Variants in RBBP6 observed in about 807,000 individuals in gnomAD.
RBBP6 encodes RB binding protein 6, ubiquitin ligase, also known as E3 ubiquitin-protein ligase RBBP6.
RBBP6 carries 25 observed loss-of-function variants against 167.7 expected under a neutral mutation model. The ratio of observed to expected loss-of-function variants is 0.15; its 90% CI spans 0.11 to 0.21. RBBP6 has a LOEUF of 0.21. Among genes scored for constraint, RBBP6 ranks in the 10% least tolerant of loss-of-function variants. RBBP6 has a pLI of 1.00. For missense variants in RBBP6, 1,868 were observed against 2,134.2 expected (o/e 0.88, Z 2.46); for synonymous variants, 789 against 735.8 (o/e 1.07, Z -1.17).
intron 2 of RBBP6, 26 bp from the exon 3 acceptor site, chr16:24,548,919 A>AT: frequency 6.3e-7 from 1 of 1,576,644 alleles, no homozygotes; most frequent in African/African-American, 1.3e-5. Context: ...GCTAATGTTA[A>AT]TTTTTGTTTT....
At chr16:24,567,929 A>G (rs2141477064) in intron 16 of RBBP6, 36 bp downstream of exon 16, 3 of 1,525,092 alleles carry the variant, frequency 2.0e-6, no homozygotes, top group Non-Finnish European at 1.8e-6. Flanking sequence ...CAGAATTACA[A>G]ACGGGACTTT....
Position 24,572,476 on chromosome 16 carries a change from C to T in RBBP6, c.*31C>T. ...CAGATTTTTTAAATTGACTTAATTA[C>T]TAAGTCATCTGTATTAAATTTTGTT... is the stretch of plus-strand genomic sequence containing the variant. On this transcript the variant is annotated 3_prime_UTR_variant, in exon 18 of 18. Coordinates refer to ENST00000319715, the MANE Select transcript of RBBP6 (RefSeq NM_006910.5). 1 of 1,498,582 alleles carries T rather than the reference C, an allele frequency of 6.7e-7. No homozygotes were observed. The highest frequency in any genetic ancestry group is 1.4e-5 in the African/African-American group (1 of 70,506). The allele number at this position is 1,498,582 out of a possible 1,614,324, so 92.8% of individuals were successfully genotyped here.
chr16:24,561,867 T>G lies in RBBP6; in HGVS notation c.995T>G (p.Leu332Arg). 1.2e-6 allele frequency: 2 copies of G among 1,613,432 alleles called. No homozygotes were observed. Among genetic ancestry groups the G allele is most frequent in the Non-Finnish European group, 1.7e-6 (2 of 1,179,704 alleles). ...FKNETGYTKR[L>R]RKQLPPPPPP... ...AATGAAACTGGCTATACAAAAAGAC[T>G]ACGAAAACAGTTACCTCCTCCACCA... is the stretch of plus-strand genomic sequence containing the variant. The change falls in exon 10 of 18, where the codon CTA becomes CGA. Residue 332 changes from leucine to arginine, a missense_variant. Transcript: ENST00000319715.
rs777268036 is a variant in RBBP6 at position 24,569,067 on chromosome 16, C to T, written c.2377C>T (p.Arg793Cys). The T allele has an allele frequency of 6.8e-6, 11 of 1,613,870 alleles. No homozygotes were observed. Among genetic ancestry groups the T allele is most frequent in the African/African-American group, 1.3e-5 (1 of 74,878 alleles). Residue 793 changes from arginine (R) to cysteine (C), a missense_variant, in exon 17 of 18, where the codon CGT (arginine) becomes TGT (cysteine). By Grantham distance (180) the Arg-to-Cys change is radical (BLOSUM62 -3). This residue lies in a region of RBBP6 where 673 missense variants were observed against 691.5 expected (regional missense o/e 0.97). Transcript: ENST00000319715. ...KRNVPQGETEREYFNRYREVP... is the reference protein window; with the variant it reads ...KRNVPQGETECEYFNRYREVP... Reference sequence around the variant, plus strand: ...TAATGTACCTCAAGGGGAAACAGAACGTGAATATTTTAATAGATACAGAGA... The same window carrying T: ...TAATGTACCTCAAGGGGAAACAGAATGTGAATATTTTAATAGATACAGAGA...
intron 2 of RBBP6, among the ~76,000 whole-genome samples, chr16:24,546,819 A>T (rs931080506): frequency 6.6e-6 from 1 of 152,192 alleles, no homozygotes; most frequent in Non-Finnish European, 1.5e-5. Flanking sequence ...TCTGTGCCTC[A>T]GATTCCTCAA....
In RBBP6 at chr16:24,571,758, T is replaced by G; in HGVS notation, c.4692T>G (p.Asn1564Lys). Residue 1564 changes from asparagine to lysine, a missense_variant, in exon 18 of 18, where the codon AAT becomes AAG. This residue lies in a region of RBBP6 where 591 missense variants were observed against 540.5 expected (regional missense o/e 1.09). Transcript: ENST00000319715. ...AAGAGACAAAATCTGTAGATAAAAA[T>G]CCTTGTAAGGATCGTGAGAAGCATG... ...PNEETKSVDKNPCKDREKHVL... is the reference protein window; with the variant it reads ...PNEETKSVDKKPCKDREKHVL... 6.2e-7 allele frequency: 1 copy of G among 1,614,064 alleles called. No individual in the cohort carries two copies. Among genetic ancestry groups the G allele is most frequent in the Non-Finnish European group, 8.5e-7 (1 of 1,180,006 alleles).
chr16:24,565,163 A>C (rs1899163002), intron 14 of RBBP6, among the ~76,000 whole-genome samples: 1 of 152,230 alleles, frequency 6.6e-6, no homozygotes, highest in Non-Finnish European at 1.5e-5. Flanking sequence ...AGTAGAAGAA[A>C]GTCAGGGGTC....
chr16:24,548,237 A>G (rs1365753110), intron 2 of RBBP6, among the ~76,000 whole-genome samples: 1 of 151,916 alleles, frequency 6.6e-6, no homozygotes, highest in Non-Finnish European at 1.5e-5. Context: ...GTCCAGTTCT[A>G]CACAGCCATT....
At chr16:24,546,041 A>G in intron 1 of RBBP6, 122 bp from the exon 2 acceptor site, 1 of 1,383,444 alleles carries the variant, frequency 7.2e-7, no homozygotes, top group Non-Finnish European at 9.4e-7. Flanking sequence ...TCTAGTTGCA[A>G]GGAACTTGTA....
chr16:24,561,561 CACTTTG>C, intron 8 of RBBP6, 45 bp from the exon 9 acceptor site: 1 of 1,393,630 alleles, frequency 7.2e-7, no homozygotes, highest in South Asian at 1.2e-5. Context: ...ATTTCGTAAA[CACTTTG>C]AGTTCCTACT....
Position 24,572,146 on chromosome 16 carries a change from A to G in RBBP6, c.5080A>G (p.Ser1694Gly). ...GGGCATAAGCAGGAATCAGAGCCACAGCAGCCCCAGCGTCAGCCCCAGCAG... is the reference window on the plus strand; with the variant it reads ...GGGCATAAGCAGGAATCAGAGCCACGGCAGCCCCAGCGTCAGCCCCAGCAG... ...QVGISRNQSH[S>G]SPSVSPSRSH... is the part of the protein sequence containing the mutation. Residue 1694 changes from serine to glycine, a missense_variant, in exon 18 of 18, where the codon AGC (serine) becomes GGC (glycine). By Grantham distance (56) the Ser-to-Gly change is moderately conservative. Coordinates refer to ENST00000319715, the MANE Select transcript of RBBP6 (RefSeq NM_006910.5). 1 of 1,614,100 alleles carries G rather than the reference A, an allele frequency of 6.2e-7. No homozygotes were observed. Among genetic ancestry groups the G allele is most frequent in the Non-Finnish European group, 8.5e-7 (1 of 1,180,002 alleles).
At chr16:24,548,353 A>G (rs1898713605) in intron 2 of RBBP6, among the ~76,000 whole-genome samples, 1 of 147,914 alleles carries the variant, frequency 6.8e-6, no homozygotes, top group African/African-American at 2.5e-5. Context: ...AGATGGGGTC[A>G]CTATGTTACA....
At position 24,552,132 on chromosome 16, in the gene RBBP6, C is replaced by A. The variant is rs900260780; in HGVS notation, c.304-1381C>A. On this transcript the variant is annotated intron_variant, in intron 3 of 17. Transcript: ENST00000319715. ...AGTTCCTTAATGTGGAGCAAAGAAC[C>A]TTTTGTCTGAATAAACATCCCAGTA... 4.6e-5 allele frequency among the ~76,000 whole-genome samples: 7 copies of A among 151,876 alleles called. No homozygotes were observed. The South Asian group carries it at 6.2e-4, about 13-fold the overall frequency.
intron 7 of RBBP6, chr16:24,558,406 C>A (rs1215969224): frequency 0.015 from 5,505 of 367,652 alleles, no homozygotes; most frequent in Middle Eastern, 0.024. Context: ...TTTCTTTTTT[C>A]TCTCTTTTGG....
In RBBP6 at chr16:24,570,257, A is replaced by G. The variant is rs1899293813; in HGVS notation, c.3567A>G (p.Glu1189=). The G allele has an allele frequency of 1.2e-6, 2 of 1,612,934 alleles. No homozygotes were observed. Among genetic ancestry groups the G allele is most frequent in the Non-Finnish European group, 1.7e-6 (2 of 1,179,832 alleles). Residue 1189 remains glutamate, a synonymous_variant, in exon 17 of 18, where the codon GAA becomes GAG. Coordinates refer to ENST00000319715, the MANE Select transcript of RBBP6 (RefSeq NM_006910.5). ...SPKRKMEPDT[E]KMDRTPEKDK... is the part of the protein sequence containing the mutation. ...AGCGCAAAATGGAACCTGATACTGA[A>G]AAAATGGATAGGACCCCTGAAAAGG...
At chr16:24,568,003 C>T in intron 16 of RBBP6, 110 bp downstream of exon 16, 3 of 856,580 alleles carry the variant, frequency 3.5e-6, no homozygotes, top group Non-Finnish European at 5.6e-6. Flanking sequence ...CTGATTCGGT[C>T]TAGGTGTATA....
chr16:24,549,503 T>C (rs1455904393), intron 3 of RBBP6: 2 of 462,298 alleles, frequency 4.3e-6, no homozygotes, highest in Non-Finnish European at 5.7e-6. Context: ...GCAAAGCTTA[T>C]ATTAAAGTTT....
chr16:24,558,591 T>A (rs1384874320), intron 7 of RBBP6: 6 of 769,386 alleles, frequency 7.8e-6, no homozygotes, highest in Non-Finnish European at 9.5e-6. Flanking sequence ...ATAAACACAC[T>A]CTGTTCCTGA....
intron 8 of RBBP6, among the ~76,000 whole-genome samples, chr16:24,560,873 G>A (rs1326078941): frequency 2.0e-5 from 3 of 152,170 alleles, no homozygotes; most frequent in Non-Finnish European, 4.4e-5. Context: ...GTTATCTTCA[G>A]AGGGTTCTGG....
Sources: allele counts gnomAD v4.1 joint callset (sites outside exome capture counted in the v4.1 genomes callset), GRCh38; gene constraint gnomAD v4.1.1; regional missense constraint gnomAD v4.1.1; transcripts MANE v1.5; gene names NCBI Gene and HGNC (gene_info 2026-07-23, HGNC 2026-07-21).